Variants in SLC20A2 observed in about 807,000 individuals in gnomAD.
SLC20A2 encodes the protein sodium-dependent phosphate transporter 2.
SLC20A2 carries 30 observed loss-of-function variants against 61.0 expected under a neutral mutation model. The observed-to-expected ratio is 0.49, with a 90% CI of 0.37 to 0.67. The LOEUF (loss-of-function observed/expected upper bound fraction) is 0.67, where lower values mean the gene tolerates loss of function less well. Among genes scored for constraint, SLC20A2 ranks in the 30% least tolerant of loss-of-function variants. SLC20A2 has a pLI of 0.00. For missense variants in SLC20A2, 626 were observed against 866.4 expected, an observed-to-expected ratio of 0.72 and a Z score of 3.48; for synonymous variants, 351 against 353.3, an observed-to-expected ratio of 0.99 and a Z score of 0.07.
At chr8:42,453,674 C>A (rs557165464) in intron 5 of SLC20A2, among the ~76,000 whole-genome samples, 2 of 152,276 alleles carry the variant, frequency 1.3e-5, no homozygotes, top group African/African-American at 4.8e-5. Flanking sequence ...TAGAAACATT[C>A]CCCTGGAATC....
chr8:42,505,001 T>C (rs1419486243), upstream of SLC20A2, among the ~76,000 whole-genome samples: 4 of 149,950 alleles, frequency 2.7e-5, no homozygotes, highest in African/African-American at 4.9e-5. Flanking sequence ...CCCAGGCAGA[T>C]ACAATACTTG....
At chr8:42,476,303 C>T (rs1211518519) in intron 1 of SLC20A2, among the ~76,000 whole-genome samples, 1 of 151,826 alleles carries the variant, frequency 6.6e-6, no homozygotes, top group African/African-American at 2.4e-5. Context: ...CGGGGTTTCA[C>T]CGTGTTAGCC....
intron 5 of SLC20A2, among the ~76,000 whole-genome samples, chr8:42,446,796 T>C (rs1319722229): frequency 6.6e-6 from 1 of 152,090 alleles, no homozygotes; most frequent in Admixed American, 6.6e-5. Context: ...CATACCTTTA[T>C]AGTGGTAACT....
chr8:42,435,046 C>T (rs938680184), intron 8 of SLC20A2, among the ~76,000 whole-genome samples: 2 of 152,142 alleles, frequency 1.3e-5, no homozygotes, highest in Non-Finnish European at 2.9e-5. Flanking sequence ...CAGTTCCTAG[C>T]GCTCTGCCAG....
chr8:42,457,831 C>A (rs943056032), intron 5 of SLC20A2, among the ~76,000 whole-genome samples: 2 of 152,020 alleles, frequency 1.3e-5, no homozygotes, highest in Non-Finnish European at 2.9e-5. Flanking sequence ...TACACAGATA[C>A]CACAGTAAAA....
At position 42,437,668 on chromosome 8, in the gene SLC20A2, G is replaced by T; in HGVS notation, c.935-91C>A. On this transcript the variant is annotated intron_variant, in intron 7 of 10. Coordinates refer to ENST00000520262, the MANE Select transcript of SLC20A2 (RefSeq NM_001257180.2). The surrounding 1 kb of genome is among the most constrained non-coding windows in gnomAD (Gnocchi z 6.4). The stretch of plus-strand genomic sequence containing the variant: ...GGAGCCTTGCTCTGTCCTCAGGGTG[G>T]AGTACAATGGCGCAATCTCGGCTCA... The T allele has an allele frequency of 9.2e-7, 1 of 1,092,666 alleles. No individual in the cohort carries two copies. 67.7% of individuals were successfully genotyped at this position (1,092,666 alleles called of 1,614,324 possible).
At chr8:42,443,761 C>T (rs1031983803) in intron 6 of SLC20A2, among the ~76,000 whole-genome samples, 7 of 152,142 alleles carry the variant, frequency 4.6e-5, no homozygotes, top group Admixed American at 3.3e-4. Context: ...CCAACCCCCA[C>T]CCATCCCAGG....
chr8:42,434,052 G>A (rs1286833518), intron 8 of SLC20A2, among the ~76,000 whole-genome samples: 1 of 152,008 alleles, frequency 6.6e-6, no homozygotes, highest in Non-Finnish European at 1.5e-5. Flanking sequence ...ATCCTAATAG[G>A]TGTGTAATTT....
chr8:42,456,745 A>C (rs556801058), intron 5 of SLC20A2, among the ~76,000 whole-genome samples: 21 of 151,242 alleles, frequency 1.4e-4, no homozygotes, highest in African/African-American at 4.1e-4. Flanking sequence ...AAAAAAAAAA[A>C]AAAAAAAAAA....
intron 6 of SLC20A2, among the ~76,000 whole-genome samples, chr8:42,443,291 A>C (rs1351276246): frequency 7.2e-6 from 1 of 138,884 alleles, no homozygotes; most frequent in East Asian, 2.2e-4. Flanking sequence ...ATATATATAT[A>C]TATATATATA....
chr8:42,535,942 A>G (rs1265051163), intron 1 of SLC20A2, among the ~76,000 whole-genome samples: 1 of 152,190 alleles, frequency 6.6e-6, no homozygotes, highest in Non-Finnish European at 1.5e-5. Context: ...AAAATTCATA[A>G]CATGGGACTG....
intron 1 of SLC20A2, among the ~76,000 whole-genome samples, chr8:42,488,508 G>T (rs1809232711): frequency 6.6e-6 from 1 of 151,984 alleles, no homozygotes; most frequent in Non-Finnish European, 1.5e-5. Context: ...TATTAAAATG[G>T]GTATACAAAT....
intron 1 of SLC20A2, among the ~76,000 whole-genome samples, chr8:42,511,576 A>C (rs1811034979): frequency 6.6e-6 from 1 of 151,862 alleles, no homozygotes; most frequent in Non-Finnish European, 1.5e-5. Flanking sequence ...GCAGTGAGCC[A>C]AGATCGCGCC....
chr8:42,471,967 G>A (rs927609999), intron 2 of SLC20A2, 135 bp downstream of exon 2: 1 of 713,980 alleles, frequency 1.4e-6, no homozygotes, highest in Non-Finnish European at 2.4e-6. Flanking sequence ...GCAAAAATAA[G>A]AGAGTAAATG....
chr8:42,507,873 A>C (rs577070187), intron 1 of SLC20A2, among the ~76,000 whole-genome samples: 1 of 152,314 alleles, frequency 6.6e-6, no homozygotes, highest in South Asian at 2.1e-4. Flanking sequence ...TAATCAAGAA[A>C]GGCTGGCCCG....
At chr8:42,541,787 C>T (rs1305320094) in intron 1 of SLC20A2, 3 of 149,482 alleles carry the variant, frequency 2.0e-5, no homozygotes, top group Non-Finnish European at 4.5e-5. Flanking sequence ...CCCGCCCCGC[C>T]CCGGACGCGG....
At chr8:42,476,055 AT>A (rs914322166) in intron 1 of SLC20A2, among the ~76,000 whole-genome samples, 5 of 105,262 alleles carry the variant, frequency 4.8e-5, no homozygotes, top group African/African-American at 1.7e-4. Flanking sequence ...TGCGCTTTTG[AT>A]TGGGTGAAGT....
chr8:42,523,430 G>C (rs1041033566), intron 1 of SLC20A2, among the ~76,000 whole-genome samples: 3 of 152,186 alleles, frequency 2.0e-5, no homozygotes, highest in Non-Finnish European at 2.9e-5. Flanking sequence ...TTCAATGCAA[G>C]TAAATGGGTA....
chr8:42,452,046 G>A lies in SLC20A2; in HGVS notation c.614-7284C>T, dbSNP rs1235921943. The stretch of plus-strand genomic sequence containing the variant: ...GAAGAGGAAGAGGAGGAAGAGAGGG[G>A]GAGGAAGAGATGAAGAGGAGGGGGA... On this transcript the variant is annotated intron_variant, in intron 5 of 10. Coordinates refer to ENST00000520262, the MANE Select transcript of SLC20A2 (RefSeq NM_001257180.2). Among the ~76,000 whole-genome samples, 10 of 119,654 alleles carry A rather than the reference G, an allele frequency of 8.4e-5. 1 individual carries two copies. Among genetic ancestry groups the A allele is most frequent in the African/African-American group, 3.3e-4 (7 of 21,294 alleles). 78.5% of individuals were successfully genotyped at this position (119,654 alleles called of 152,430 possible). A position where few individuals can be genotyped will look rare whatever the true frequency, so the allele number is the denominator to read the frequency against.
Sources: gnomAD v4.1 joint callset for allele counts (sites outside exome capture counted in the v4.1 genomes callset) on GRCh38, gnomAD v4.1.1 for gene constraint, Gnocchi (gnomAD v3.1) non-coding constraint, MANE v1.5 for transcripts, NCBI Gene and HGNC (gene_info 2026-07-23, HGNC 2026-07-21) for gene names.